Variants in KCMF1 observed in about 807,000 individuals in gnomAD.
KCMF1 encodes the protein potassium channel modulatory factor 1.
A neutral mutation model predicts 41.1 loss-of-function variants in KCMF1; 3 were observed. The ratio of observed to expected loss-of-function variants is 0.07; its 90% CI spans 0.03 to 0.19. KCMF1 has a LOEUF of 0.19. Ranked by LOEUF, KCMF1 falls within the 10% of genes least tolerant of loss-of-function variation. The probability of loss-of-function intolerance (pLI) is 1.00; values close to 1 mark genes in which losing one functional copy is unlikely to be tolerated. For synonymous variants in KCMF1, 142 were observed against 164.5 expected (o/e 0.86, Z 1.04); for missense variants, 286 against 488.9 (o/e 0.58, Z 3.91).
intron 1 of KCMF1, among the ~76,000 whole-genome samples, chr2:84,976,147 T>C (rs1264373829): frequency 6.6e-6 from 1 of 152,048 alleles, no homozygotes; most frequent in African/African-American, 2.4e-5. Context: ...TTGTCAAATT[T>C]CAGAGAGGTA....
rs1363741430 is a variant in KCMF1, at chr2:84,971,166, C to G, written c.-286C>G. The G allele has an allele frequency of 1.9e-4, 28 of 146,114 alleles. No individual in the cohort carries two copies. Among genetic ancestry groups the G allele is most frequent in the Admixed American group, 1.7e-3 (25 of 14,764 alleles). 9.1% of individuals were successfully genotyped at this position (146,114 alleles called of 1,614,324 possible). A position where few individuals can be genotyped will look rare whatever the true frequency, so the allele number is the denominator to read the frequency against. On this transcript the variant is annotated 5_prime_UTR_variant, in exon 1 of 7. Coordinates refer to ENST00000409785, the MANE Select transcript of KCMF1 (RefSeq NM_020122.5). ...CGCCGCTGCCGGGAGCCGGCAGGCC[C>G]GAGAGTGACCGGAGTCACGGCGGGC...
chr2:84,998,858 C>T (rs1303178794), intron 1 of KCMF1, among the ~76,000 whole-genome samples: 2 of 151,702 alleles, frequency 1.3e-5, no homozygotes, highest in Non-Finnish European at 2.9e-5. Flanking sequence ...GTGATCCACC[C>T]AACTCGGACT....
At chr2:85,028,176 A>G (rs777745799) in intron 2 of KCMF1, 120 bp downstream of exon 2, 44 of 625,962 alleles carry the variant, frequency 7.0e-5, no homozygotes, top group Non-Finnish European at 1.0e-4. Context: ...TTCATTAAAC[A>G]TGAAATAAAT....
intron 2 of KCMF1, 91 bp downstream of exon 2, chr2:85,028,147 G>C: frequency 1.3e-6 from 1 of 743,556 alleles, no homozygotes; most frequent in South Asian, 1.9e-5. Flanking sequence ...CTCCCCAGCA[G>C]CATACCATAA....
chr2:85,040,181 T>C (rs1371186056), intron 3 of KCMF1, among the ~76,000 whole-genome samples: 1 of 152,204 alleles, frequency 6.6e-6, no homozygotes, highest in Non-Finnish European at 1.5e-5. Flanking sequence ...TAAATCTTAA[T>C]TGACAAGTTG....
rs1675759729 is a variant in KCMF1, at chr2:85,049,607, C to T, written c.843C>T (p.Ser281=). The T allele has an allele frequency of 1.2e-6, 2 of 1,613,746 alleles. No individual in the cohort carries two copies. The highest frequency in any genetic ancestry group is 2.2e-5 in the East Asian group (1 of 44,902). Residue 281 remains serine (S), a synonymous_variant, in exon 6 of 7, where the codon AGC becomes AGT. Coordinates refer to ENST00000409785, the MANE Select transcript of KCMF1 (RefSeq NM_020122.5). ...CAACCAACATAGCTAATACAGAAAG[C>T]AGTCAGCAGACTCTACAGAATTCCC... ...TATTNIANTE[S]SQQTLQNSQF...
chr2:85,021,450 T>A (rs1674936789), intron 1 of KCMF1, among the ~76,000 whole-genome samples: 1 of 152,086 alleles, frequency 6.6e-6, no homozygotes. Flanking sequence ...GGTGAAACCC[T>A]GTCTCTACTA....
intron 1 of KCMF1, among the ~76,000 whole-genome samples, chr2:85,024,580 G>GAA (rs1675040736): frequency 3.0e-5 from 4 of 135,020 alleles, no homozygotes; most frequent in African/African-American, 1.1e-4. Context: ...GAGAGAGAGA[G>GAA]AGAGTGTGTG....
At chr2:85,023,535 A>G (rs1675007320) in intron 1 of KCMF1, among the ~76,000 whole-genome samples, 1 of 151,458 alleles carries the variant, frequency 6.6e-6, no homozygotes, top group African/African-American at 2.4e-5. Flanking sequence ...GTTAGCCAGG[A>G]TGGTGTCGAT....
intron 1 of KCMF1, among the ~76,000 whole-genome samples, chr2:85,025,155 A>T (rs1271009241): frequency 6.6e-6 from 1 of 152,138 alleles, no homozygotes; most frequent in African/African-American, 2.4e-5. Flanking sequence ...TTTGGTTATT[A>T]ATTGTATTGA....
intron 1 of KCMF1, among the ~76,000 whole-genome samples, chr2:84,978,006 C>CTTTTTTTTTTTT (rs79184611): frequency 2.7e-5 from 4 of 145,844 alleles, no homozygotes. Flanking sequence ...TAGCAGCAAT[C>CTTTTTTTTTTTT]TTTTTTTTTT....
At chr2:84,979,254 C>T (rs1309849014) in intron 1 of KCMF1, among the ~76,000 whole-genome samples, 2 of 152,066 alleles carry the variant, frequency 1.3e-5, no homozygotes, top group South Asian at 2.1e-4. Context: ...ATGAGCTGGG[C>T]GCTGTGGCTT....
chr2:85,048,303 T>C (rs1056999329), intron 5 of KCMF1, among the ~76,000 whole-genome samples: 1 of 152,246 alleles, frequency 6.6e-6, no homozygotes, highest in Non-Finnish European at 1.5e-5. Flanking sequence ...ATTTACCTGC[T>C]ATTTTGGTGG....
chr2:85,010,487 A>G (rs1674626410), intron 1 of KCMF1, among the ~76,000 whole-genome samples: 1 of 152,216 alleles, frequency 6.6e-6, no homozygotes, highest in Non-Finnish European at 1.5e-5. Context: ...AGACTGTTCT[A>G]GACCTTATTT....
chr2:85,026,219 G>GAC (rs1241908303), intron 1 of KCMF1, among the ~76,000 whole-genome samples: 60 of 152,048 alleles, frequency 3.9e-4, no homozygotes, highest in Non-Finnish European at 7.4e-5. Context: ...TTGAACTCCT[G>GAC]ACCTCAGGTG....
chr2:85,000,275 G>A (rs1401569240), intron 1 of KCMF1, among the ~76,000 whole-genome samples: 2 of 152,014 alleles, frequency 1.3e-5, no homozygotes, highest in Admixed American at 6.6e-5. Context: ...ACAGGTGCCC[G>A]CTACCATGCC....
At chr2:85,017,182 GC>G in intron 1 of KCMF1, among the ~76,000 whole-genome samples, 1 of 151,746 alleles carries the variant, frequency 6.6e-6, no homozygotes, top group Non-Finnish European at 1.5e-5. Flanking sequence ...CCGCCACTGC[GC>G]CCGGCTAATT....
chr2:85,029,933 C>T (rs762242519), intron 2 of KCMF1, among the ~76,000 whole-genome samples: 16 of 151,872 alleles, frequency 1.1e-4, no homozygotes, highest in Non-Finnish European at 2.2e-4. Flanking sequence ...GATCCACTTG[C>T]GGGCCTCCCA....
intron 3 of KCMF1, among the ~76,000 whole-genome samples, chr2:85,037,448 G>T (rs1457215337): frequency 6.6e-6 from 1 of 152,178 alleles, no homozygotes; most frequent in East Asian, 1.9e-4. Flanking sequence ...TGAAGGATTG[G>T]TGCCTATGCC....
Sources: allele counts gnomAD v4.1 joint callset (sites outside exome capture counted in the v4.1 genomes callset), GRCh38; gene constraint gnomAD v4.1.1; transcripts MANE v1.5; gene names NCBI Gene and HGNC (gene_info 2026-07-23, HGNC 2026-07-21).